KIF16B: variants seen among roughly 807,000 people sequenced by gnomAD.
The protein encoded by KIF16B is kinesin family member 16B.
Under a neutral mutation model 156.3 loss-of-function variants are expected in KIF16B, and 98 were observed. The ratio of observed to expected loss-of-function variants is 0.63; its 90% CI spans 0.53 to 0.74. The LOEUF (loss-of-function observed/expected upper bound fraction) is 0.74, where lower values mean the gene tolerates loss of function less well. Among genes scored for constraint, KIF16B ranks in the 30% least tolerant of loss-of-function variants. KIF16B has a pLI of 0.00. For missense variants in KIF16B, 1,421 were observed against 1,606.5 expected (o/e 0.88, Z 1.97); for synonymous variants, 564 against 583.7 (o/e 0.97, Z 0.49).
chr20:16,307,647 T>C (rs2063560445), intron 25 of KIF16B, among the ~76,000 whole-genome samples: 1 of 152,226 alleles, frequency 6.6e-6, no homozygotes, highest in South Asian at 2.1e-4. Context: ...TTTATGTCTG[T>C]TGAATCTACA....
chr20:16,278,225 A>G (rs757593803), intron 25 of KIF16B, among the ~76,000 whole-genome samples: 12 of 152,028 alleles, frequency 7.9e-5, no homozygotes, highest in Non-Finnish European at 1.8e-4. Context: ...CTAGGGGAGG[A>G]CAAGAGAAAC....
At chr20:16,554,485 T>C (rs1436577494) in intron 1 of KIF16B, among the ~76,000 whole-genome samples, 1 of 152,206 alleles carries the variant, frequency 6.6e-6, no homozygotes, top group Admixed American at 6.5e-5. Flanking sequence ...GCGGGTCTCC[T>C]TTGAGCTGTC....
At chr20:16,335,028 G>A (rs529953031) in intron 24 of KIF16B, among the ~76,000 whole-genome samples, 1 of 152,062 alleles carries the variant, frequency 6.6e-6, no homozygotes, top group Non-Finnish European at 1.5e-5. Context: ...TTTTAAAAAG[G>A]GTGGAAGCCA....
intron 17 of KIF16B, among the ~76,000 whole-genome samples, chr20:16,399,094 T>A (rs547171244): frequency 6.6e-6 from 1 of 152,304 alleles, no homozygotes; most frequent in African/African-American, 2.4e-5. Context: ...ATGCTTTTGA[T>A]TCCTGTTAAA....
intron 12 of KIF16B, among the ~76,000 whole-genome samples, chr20:16,435,108 T>C (rs1568978779): frequency 6.6e-6 from 1 of 152,220 alleles, no homozygotes; most frequent in Non-Finnish European, 1.5e-5. Flanking sequence ...ATTATTAATA[T>C]AAGAGGTATT....
intron 25 of KIF16B, among the ~76,000 whole-genome samples, chr20:16,307,013 A>G (rs1197399833): frequency 6.6e-6 from 1 of 152,200 alleles, no homozygotes; most frequent in Admixed American, 6.5e-5. Flanking sequence ...ACTCTTAGCT[A>G]TCACATTTCT....
rs147731348 is a variant in KIF16B, at chr20:16,555,676, A to C, written c.47+17553T>G. ...GCTTAAGAAGATGGTATAGAAAAAT[A>C]CATCACCTTTATTCAGTACTGATTA... On this transcript the variant is annotated intron_variant, in intron 1 of 25. Transcript: ENST00000354981. 4.4e-3 allele frequency among the ~76,000 whole-genome samples: 672 copies of C among 152,388 alleles called. 15 individuals are homozygous for C. Among genetic ancestry groups the C allele is most frequent in the Admixed American group, 0.034 (521 of 15,306 alleles).
At chr20:16,498,664 A>T (rs1436079943) in intron 10 of KIF16B, among the ~76,000 whole-genome samples, 1 of 152,078 alleles carries the variant, frequency 6.6e-6, no homozygotes, top group Non-Finnish European at 1.5e-5. Flanking sequence ...GATTCATGTT[A>T]GTGCTCTCCT....
At chr20:16,431,375 G>A (rs1419276675) in intron 12 of KIF16B, among the ~76,000 whole-genome samples, 1 of 152,114 alleles carries the variant, frequency 6.6e-6, no homozygotes, top group Non-Finnish European at 1.5e-5. Context: ...CTCATCCCAT[G>A]CTCACTCACT....
intron 24 of KIF16B, among the ~76,000 whole-genome samples, chr20:16,318,551 G>T (rs2082033518): frequency 6.6e-6 from 1 of 152,102 alleles, no homozygotes; most frequent in Non-Finnish European, 1.5e-5. Context: ...ACAAGACGCG[G>T]TGTCTCAAAG....
intron 25 of KIF16B, among the ~76,000 whole-genome samples, chr20:16,279,611 T>G (rs1353103377): frequency 2.0e-5 from 3 of 152,102 alleles, no homozygotes; most frequent in Non-Finnish European, 4.4e-5. Context: ...AAGATGGAGG[T>G]ATCTGCCTAT....
At chr20:16,290,992 C>A (rs1397118638) in intron 25 of KIF16B, among the ~76,000 whole-genome samples, 1 of 151,930 alleles carries the variant, frequency 6.6e-6, no homozygotes, top group Admixed American at 6.6e-5. Context: ...AGAAATTGGG[C>A]TAGGAGCTAA....
chr20:16,394,981 G>C (rs535966566), intron 17 of KIF16B, among the ~76,000 whole-genome samples: 1 of 151,706 alleles, frequency 6.6e-6, no homozygotes, highest in South Asian at 2.1e-4. Context: ...AGACGTCTAA[G>C]TTCCAGGTAT....
At chr20:16,537,108 CAG>C (rs145245470) in intron 1 of KIF16B, among the ~76,000 whole-genome samples, 17,355 of 152,084 alleles carry the variant, frequency 0.11, 1,104 homozygotes, top group East Asian at 0.3. Context: ...CGTCTGCTGC[CAG>C]AGAGAGCCTT....
At chr20:16,529,087 G>A (rs2069654116) in intron 1 of KIF16B, among the ~76,000 whole-genome samples, 1 of 152,218 alleles carries the variant, frequency 6.6e-6, no homozygotes, top group Non-Finnish European at 1.5e-5. Context: ...ATACTGTTCA[G>A]TGGAGACAAA....
In KIF16B at chr20:16,379,062, T is replaced by G; in HGVS notation, c.2940A>C (p.Ala980=). The change falls in exon 19 of 26, where the codon GCA becomes GCC. Residue 980 remains alanine (A), a synonymous_variant. Coordinates refer to ENST00000354981, the MANE Select transcript of KIF16B (RefSeq NM_024704.5). ...TTTTCCTCACTTTTTCCTCCTGACGTGCAATGTTGGCAGTGAATTCAAAGG... is the reference window on the plus strand; with the variant it reads ...TTTTCCTCACTTTTTCCTCCTGACGGGCAATGTTGGCAGTGAATTCAAAGG... The part of the protein sequence containing the change: ...QATFEFTANI[A]RQEEKVRKKE... 1 of 1,611,784 alleles carries G rather than the reference T, an allele frequency of 6.2e-7. No individual in the cohort carries two copies. The highest frequency in any genetic ancestry group is 8.5e-7 in the Non-Finnish European group (1 of 1,178,548).
chr20:16,322,155 A>G (rs2063780853), intron 24 of KIF16B, among the ~76,000 whole-genome samples: 2 of 152,016 alleles, frequency 1.3e-5, no homozygotes, highest in Non-Finnish European at 2.9e-5. Flanking sequence ...AATATATTCA[A>G]AAGACAAAAG....
chr20:16,554,030 G>C (rs141904746), intron 1 of KIF16B, among the ~76,000 whole-genome samples: 154 of 152,332 alleles, frequency 1.0e-3, no homozygotes, highest in African/African-American at 3.5e-3. Flanking sequence ...GCGCCGGCCT[G>C]CAGGCACCCC....
intron 15 of KIF16B, among the ~76,000 whole-genome samples, chr20:16,417,439 GTCTGCTGAAACAAA>G (rs2066118666): frequency 6.6e-6 from 1 of 152,100 alleles, no homozygotes; most frequent in Admixed American, 6.5e-5. Context: ...TAGGTAAACT[GTCTGCTGAAACAAA>G]GGGTATAAAC....
Sources: gnomAD v4.1 joint callset for allele counts (sites outside exome capture counted in the v4.1 genomes callset) on GRCh38, gnomAD v4.1.1 for gene constraint, MANE v1.5 for transcripts, NCBI Gene and HGNC (gene_info 2026-07-23, HGNC 2026-07-21) for gene names.